Variants in DYDC1 observed in about 807,000 individuals in gnomAD.
DYDC1 encodes the protein DPY30 domain-containing protein 1.
DYDC1 carries 21 observed loss-of-function variants against 27.9 expected under a neutral mutation model. The ratio of observed to expected loss-of-function variants is 0.75; its 90% CI spans 0.53 to 1.08. The LOEUF is 1.08. Ranked by LOEUF, DYDC1 falls within the 50% of genes least tolerant of loss-of-function variation. The probability of loss-of-function intolerance (pLI) is 0.00; values close to 1 mark genes in which losing one functional copy is unlikely to be tolerated. For synonymous variants in DYDC1, 67 were observed against 65.8 expected (o/e 1.02, Z -0.09); for missense variants, 202 against 205.9 (o/e 0.98, Z 0.12).
At chr10:80,340,549 T>C (rs975055060) in intron 4 of DYDC1, among the ~76,000 whole-genome samples, 1 of 152,242 alleles carries the variant, frequency 6.6e-6, no homozygotes, top group African/African-American at 2.4e-5. Flanking sequence ...CAATCCTTCC[T>C]ATGGACTTTG....
At position 80,340,963 on chromosome 10, in the gene DYDC1, T is replaced by TA. The variant is rs1218956358; in HGVS notation, c.342+1305dup. ...ACTATGTATAGGGCTTTTATCCTTT[T>TA]AAAAAAAATCTCACTTTTTGATTTA... is the stretch of plus-strand genomic sequence containing the variant. On this transcript the variant is annotated intron_variant, in intron 4 of 6. Coordinates refer to ENST00000372202, the MANE Select transcript of DYDC1 (RefSeq NM_001269053.2). 1.2e-4 allele frequency among the ~76,000 whole-genome samples: 19 copies of TA among 152,240 alleles called. No individual in the cohort carries two copies. In the East Asian group the frequency reaches 3.3e-3, roughly 26 times the overall value.
chr10:80,349,311 A>C (rs557754622), intron 3 of DYDC1, among the ~76,000 whole-genome samples: 29 of 152,356 alleles, frequency 1.9e-4, no homozygotes, highest in Middle Eastern at 3.4e-3. Context: ...CTATCTAATA[A>C]AAAATTTATA....
chr10:80,338,307 A>C (rs1747461329), intron 6 of DYDC1, 160 bp downstream of exon 6: 2 of 1,364,256 alleles, frequency 1.5e-6, no homozygotes. Context: ...AATTAGGAAT[A>C]TAATCCGCAA....
At chr10:80,341,442 C>CAAAAAA (rs58419721) in intron 4 of DYDC1, among the ~76,000 whole-genome samples, 22 of 46,690 alleles carry the variant, frequency 4.7e-4, no homozygotes, top group African/African-American at 8.4e-4. Flanking sequence ...GACTCTGTCT[C>CAAAAAA]AAAAAAAAAA....
chr10:80,354,141 TA>T (rs1275025722), intron 1 of DYDC1, among the ~76,000 whole-genome samples: 1 of 148,342 alleles, frequency 6.7e-6, no homozygotes, highest in African/African-American at 2.5e-5. Flanking sequence ...TATATATATA[TA>T]TATTTTTTCC....
chr10:80,354,957 T>C (rs959489895), intron 1 of DYDC1, among the ~76,000 whole-genome samples: 1 of 152,056 alleles, frequency 6.6e-6, no homozygotes, highest in African/African-American at 2.4e-5. Flanking sequence ...GAAAGGAAGA[T>C]AAATATTTAA....
chr10:80,355,902 G>A (rs1251773696), intron 1 of DYDC1, among the ~76,000 whole-genome samples: 1 of 150,128 alleles, frequency 6.7e-6, no homozygotes, highest in African/African-American at 2.5e-5. Context: ...TTGGAACACA[G>A]TATCTTCACT....
chr10:80,353,487 A>G (rs1843134027), intron 1 of DYDC1, among the ~76,000 whole-genome samples: 1 of 151,322 alleles, frequency 6.6e-6, no homozygotes, highest in Admixed American at 6.6e-5. Flanking sequence ...AAAACAGAAA[A>G]GGAAAAATGG....
chr10:80,356,156 C>T (rs1331302991), intron 1 of DYDC1: 1 of 809,512 alleles, frequency 1.2e-6, no homozygotes, highest in Non-Finnish European at 1.5e-6. Flanking sequence ...CAGTGGGACC[C>T]AGGCAAGGCC....
intron 3 of DYDC1, 111 bp from the exon 4 acceptor site, chr10:80,342,472 C>G: frequency 1.1e-6 from 1 of 925,996 alleles, no homozygotes. Flanking sequence ...CCAACTAATA[C>G]TTTAGTTTCT....
intron 2 of DYDC1, 125 bp downstream of exon 2, chr10:80,352,330 T>C: frequency 7.7e-7 from 1 of 1,302,370 alleles, no homozygotes; most frequent in Non-Finnish European, 1.0e-6. Flanking sequence ...TTCATGTTGT[T>C]CAAGTTTTTG....
In DYDC1 at chr10:80,351,923, G is replaced by A. The variant is rs1843007382; in HGVS notation, c.227C>T (p.Ala76Val). ...CACCTGCTGAAGTAAGAGCTCCTCT[G>A]CTTTGAGCCTCTCCATCATTTCCTG... ...MEQEMMERLK[A>V]EELLLQQQQL... The change falls in exon 3 of 7, where the codon GCA becomes GTA. Residue 76 changes from alanine to valine, a missense_variant. By Grantham distance (64) the Ala-to-Val change is moderately conservative (BLOSUM62 0). Coordinates refer to ENST00000372202, the MANE Select transcript of DYDC1 (RefSeq NM_001269053.2). 6.2e-7 allele frequency: 1 copy of A among 1,614,006 alleles called. No individual in the cohort carries two copies. The highest frequency in any genetic ancestry group is 8.5e-7 in the Non-Finnish European group (1 of 1,180,036).
rs747946476 is a variant in DYDC1 at position 80,352,553 on chromosome 10, C to T, written c.49G>A (p.Gly17Ser). The T allele has an allele frequency of 1.2e-6, 2 of 1,613,474 alleles. No individual in the cohort carries two copies. The highest frequency in any genetic ancestry group is 1.1e-5 in the South Asian group (1 of 90,950). ...CGAACTCTTGCCACTTCTGCAAGAC[C>T]TTGAGTTAAACAGGCCCCAAGGTGC... ...QKHLGACLTQGLAEVARVRPV... is the reference protein window; with the variant it reads ...QKHLGACLTQSLAEVARVRPV... The change falls in exon 2 of 7, where the codon GGT becomes AGT. Residue 17 changes from glycine to serine, a missense_variant. Coordinates refer to ENST00000372202, the MANE Select transcript of DYDC1 (RefSeq NM_001269053.2).
chr10:80,342,438 G>T, intron 3 of DYDC1, 77 bp from the exon 4 acceptor site: 1 of 1,389,626 alleles, frequency 7.2e-7, no homozygotes, highest in Non-Finnish European at 1.0e-6. Context: ...CTTCATTTCA[G>T]AAACTTACAA....
intron 3 of DYDC1, among the ~76,000 whole-genome samples, chr10:80,345,746 A>T (rs562484671): frequency 6.6e-6 from 1 of 152,196 alleles, no homozygotes; most frequent in East Asian, 1.9e-4. Context: ...CATCCATGTC[A>T]TCACAAATGG....
At chr10:80,342,162 T>A in intron 4 of DYDC1, 107 bp downstream of exon 4, 1 of 1,046,776 alleles carries the variant, frequency 9.6e-7, no homozygotes. Context: ...ATGTGGCATG[T>A]CTTCAGACTA....
intron 3 of DYDC1, among the ~76,000 whole-genome samples, chr10:80,349,611 T>C (rs1040545424): frequency 7.2e-5 from 11 of 152,230 alleles, no homozygotes; most frequent in African/African-American, 2.4e-4. Flanking sequence ...GGTAGGTAGC[T>C]GAAACGCAGA....
At chr10:80,346,501 C>A (rs1477548957) in intron 3 of DYDC1, among the ~76,000 whole-genome samples, 1 of 127,858 alleles carries the variant, frequency 7.8e-6, no homozygotes, top group East Asian at 2.6e-4. Flanking sequence ...CACTCTGTCA[C>A]CCAGGCTGGA....
intron 2 of DYDC1, 94 bp from the exon 3 acceptor site, chr10:80,352,096 A>G (rs1349776847): frequency 1.7e-6 from 2 of 1,188,482 alleles, no homozygotes; most frequent in Non-Finnish European, 2.4e-6. Flanking sequence ...ACAATTAGGG[A>G]AAGTGTTAAG....
Sources: allele counts gnomAD v4.1 joint callset (sites outside exome capture counted in the v4.1 genomes callset), GRCh38; gene constraint gnomAD v4.1.1; transcripts MANE v1.5; gene names NCBI Gene and HGNC (gene_info 2026-07-23, HGNC 2026-07-21).